SLC4A7: variants seen among roughly 807,000 people sequenced by gnomAD.
SLC4A7 encodes the protein sodium bicarbonate cotransporter 3.
Under a neutral mutation model 137.6 loss-of-function variants are expected in SLC4A7, and 51 were observed. The ratio of observed to expected loss-of-function variants is 0.37; its 90% CI spans 0.30 to 0.47. SLC4A7 has a LOEUF of 0.47. Ranked by LOEUF, SLC4A7 falls within the 20% of genes least tolerant of loss-of-function variation. The pLI is 1.00. For missense variants in SLC4A7, 1,247 were observed against 1,525.4 expected, an observed-to-expected ratio of 0.82 and a Z score of 3.04; for synonymous variants, 542 against 518.6, an observed-to-expected ratio of 1.05 and a Z score of -0.61.
chr3:27,418,340 C>A, intron 11 of SLC4A7, 146 bp downstream of exon 11: 1 of 621,880 alleles, frequency 1.6e-6, no homozygotes, highest in Non-Finnish European at 2.8e-6. Flanking sequence ...AAATGGTCCA[C>A]CCACAGGAGG....
chr3:27,389,243 G>A (rs9849838), intron 22 of SLC4A7, among the ~76,000 whole-genome samples: 1 of 151,988 alleles, frequency 6.6e-6, no homozygotes, highest in African/African-American at 2.4e-5. Flanking sequence ...AATACCTCTA[G>A]ATGGTTTTTT....
At chr3:27,461,070 G>A (rs890556071) in intron 1 of SLC4A7, among the ~76,000 whole-genome samples, 1 of 152,196 alleles carries the variant, frequency 6.6e-6, no homozygotes, top group Non-Finnish European at 1.5e-5. Flanking sequence ...TACGCGAGCT[G>A]CAAGATTCCA....
chr3:27,451,588 A>G (rs1333282227), intron 2 of SLC4A7, among the ~76,000 whole-genome samples: 1 of 152,120 alleles, frequency 6.6e-6, no homozygotes, highest in East Asian at 1.9e-4. Context: ...TGAAAAACAA[A>G]AAAAGAATGA....
At chr3:27,460,900 GATGT>G (rs1376309276) in intron 1 of SLC4A7, among the ~76,000 whole-genome samples, 1 of 152,036 alleles carries the variant, frequency 6.6e-6, no homozygotes, top group African/African-American at 2.4e-5. Flanking sequence ...GATGTGTCTA[GATGT>G]ATGTCTTTAA....
Position 27,452,465 on chromosome 3 carries a change from T to C in SLC4A7, c.94A>G (p.Lys32Glu). Reference sequence around the variant, plus strand: ...TTGGTGTTCACAGTTGAGCTAGTTTTGCCAAGATCCACAACAGCTTCTTCA... The same window carrying C: ...TTGGTGTTCACAGTTGAGCTAGTTTCGCCAAGATCCACAACAGCTTCTTCA... ...PDEEAVVDLG[K>E]TSSTVNTKFE... The change falls in exon 2 of 26, where the codon AAA becomes GAA. Residue 32 changes from lysine (K) to glutamate (E), a missense_variant. Transcript: ENST00000454389. 1.2e-6 allele frequency: 2 copies of C among 1,605,552 alleles called. No homozygotes were observed. Among genetic ancestry groups the C allele is most frequent in the Non-Finnish European group, 1.7e-6 (2 of 1,178,264 alleles).
chr3:27,383,349 C>G (rs2050620533), intron 23 of SLC4A7, 99 bp from the exon 24 acceptor site: 1 of 830,894 alleles, frequency 1.2e-6, no homozygotes, highest in Admixed American at 2.6e-5. Flanking sequence ...CCCAAACTGA[C>G]ATTATTTAAA....
intron 10 of SLC4A7, among the ~76,000 whole-genome samples, chr3:27,419,895 G>C (rs1322816664): frequency 6.6e-6 from 1 of 151,686 alleles, no homozygotes; most frequent in Non-Finnish European, 1.5e-5. Context: ...GTTGAAAGAG[G>C]ACAGAAAAAT....
intron 14 of SLC4A7, among the ~76,000 whole-genome samples, 155 bp from the exon 15 acceptor site, chr3:27,403,539 A>G (rs2053007671): frequency 6.6e-6 from 1 of 152,046 alleles, no homozygotes. Flanking sequence ...AAATAACTCT[A>G]TATCTTTTTC....
Position 27,418,482 on chromosome 3 carries a change from T to G in SLC4A7, c.1659+4A>C. ...GTCACAGAAGAATAGCTCTGGATTC[T>G]TACCTGAGAAGGGACACTTTTTGGT... On this transcript the variant is annotated splice_donor_region_variant and intron_variant, in intron 11 of 25. Coordinates refer to ENST00000454389, the MANE Select transcript of SLC4A7 (RefSeq NM_001321103.2). 1 of 1,603,258 alleles carries G rather than the reference T, an allele frequency of 6.2e-7. No homozygotes were observed. Among genetic ancestry groups the G allele is most frequent in the Non-Finnish European group, 8.5e-7 (1 of 1,176,022 alleles).
intron 1 of SLC4A7, among the ~76,000 whole-genome samples, chr3:27,459,926 C>A (rs1374907645): frequency 2.0e-5 from 3 of 150,484 alleles, no homozygotes; most frequent in Admixed American, 6.6e-5. Context: ...TCCAACACAC[C>A]CATATCCTTT....
intron 8 of SLC4A7, chr3:27,423,760 G>A (rs541614180): frequency 2.4e-5 from 7 of 293,884 alleles, no homozygotes; most frequent in South Asian, 1.8e-4. Flanking sequence ...ATATCTATGG[G>A]TAGGTATGGA....
chr3:27,391,927 T>G, intron 20 of SLC4A7, 119 bp from the exon 21 acceptor site: 1 of 561,178 alleles, frequency 1.8e-6, no homozygotes, highest in Non-Finnish European at 3.1e-6. Context: ...TAGACCGACC[T>G]AACATTTCCA....
intron 13 of SLC4A7, among the ~76,000 whole-genome samples, chr3:27,406,018 C>T (rs1001942562): frequency 2.6e-5 from 4 of 152,122 alleles, no homozygotes; most frequent in African/African-American, 9.7e-5. Context: ...TCAACTGGAA[C>T]GTACTATCCA....
chr3:27,467,306 C>A (rs1271624948), intron 1 of SLC4A7, among the ~76,000 whole-genome samples: 1 of 152,130 alleles, frequency 6.6e-6, no homozygotes. Flanking sequence ...AGGCCACATA[C>A]CTTCCCCTAT....
At chr3:27,477,514 G>A (rs1010144994) in intron 1 of SLC4A7, among the ~76,000 whole-genome samples, 1 of 152,128 alleles carries the variant, frequency 6.6e-6, no homozygotes. Context: ...CATTAGGCTG[G>A]AATAATCAAA....
Position 27,404,860 on chromosome 3 carries a change from A to C in SLC4A7, c.2045T>G (p.Val682Gly), listed in dbSNP as rs2053181512. ...GAATTTATATAAAATTTTTTCAAAC[A>C]CTAGAACTGGACCTGTGCTCCCCAA... The part of the protein sequence containing the change: ...TILGSTGPVL[V>G]FEKILYKFCR... Residue 682 changes from valine (V) to glycine (G), a missense_variant, in exon 14 of 26, where the codon GTG (valine) becomes GGG (glycine). This residue lies in a region of SLC4A7 where 499 missense variants were observed against 664.2 expected (regional missense o/e 0.75). Coordinates refer to ENST00000454389, the MANE Select transcript of SLC4A7 (RefSeq NM_001321103.2). 6.2e-7 allele frequency: 1 copy of C among 1,608,772 alleles called. No homozygotes were observed. The highest frequency in any genetic ancestry group is 1.7e-5 in the Admixed American group (1 of 58,350).
At chr3:27,463,349 G>T (rs1486087628) in intron 1 of SLC4A7, among the ~76,000 whole-genome samples, 1 of 152,198 alleles carries the variant, frequency 6.6e-6, no homozygotes, top group Non-Finnish European at 1.5e-5. Flanking sequence ...AGAATAGCGT[G>T]GACCCGGGAG....
chr3:27,427,110 C>A (rs7624790), intron 7 of SLC4A7, among the ~76,000 whole-genome samples: 32,491 of 152,034 alleles, frequency 0.21, 3,561 homozygotes, highest in Non-Finnish European at 0.25. Context: ...GTGACAATGT[C>A]TGGAGACATA....
rs1270203009 is a variant in SLC4A7, at chr3:27,374,698, T to C, written c.*2066A>G. On this transcript the variant is annotated 3_prime_UTR_variant, in exon 26 of 26. Transcript: ENST00000454389. ...TGGATAATTACTATACACAATTAAATAAAATCACAGAAACACTATGATCCC... is the reference window on the plus strand; with the variant it reads ...TGGATAATTACTATACACAATTAAACAAAATCACAGAAACACTATGATCCC... 1.3e-5 allele frequency: 2 copies of C among 152,478 alleles called. No homozygotes were observed. The highest frequency in any genetic ancestry group is 4.8e-5 in the African/African-American group (2 of 41,448). 9.4% of individuals were successfully genotyped at this position (152,478 alleles called of 1,614,324 possible).
Sources: gnomAD v4.1 joint callset for allele counts (sites outside exome capture counted in the v4.1 genomes callset) on GRCh38, gnomAD v4.1.1 for gene constraint, gnomAD v4.1.1 regional missense constraint, MANE v1.5 for transcripts, NCBI Gene and HGNC (gene_info 2026-07-23, HGNC 2026-07-21) for gene names.